The following TLN2 variants were observed in gnomAD, a reference collection of about 807,000 sequenced individuals.
TLN2 encodes the protein talin 2.
In TLN2, 118 loss-of-function variants were observed where a neutral mutation model predicts 294.7. The observed-to-expected ratio is 0.40, with a 90% CI of 0.34 to 0.47. TLN2 has a LOEUF of 0.47. Among genes scored for constraint, TLN2 ranks in the 20% least tolerant of loss-of-function variants. TLN2 has a pLI of 0.84. For synonymous variants in TLN2, 1,431 were observed against 1,304.5 expected, an observed-to-expected ratio of 1.10 and a Z score of -2.09; for missense variants, 3,083 against 3,282.2, an observed-to-expected ratio of 0.94 and a Z score of 1.48.
At chr15:62,390,946 C>T (rs1484203370) in intron 1 of TLN2, among the ~76,000 whole-genome samples, 1 of 152,250 alleles carries the variant, frequency 6.6e-6, no homozygotes, top group Non-Finnish European at 1.5e-5. Context: ...TTTCACTGCA[C>T]CGGACCCGGG....
At chr15:62,677,682 T>C (rs547368958) in intron 11 of TLN2, among the ~76,000 whole-genome samples, 45 of 152,112 alleles carry the variant, frequency 3.0e-4, no homozygotes, top group Admixed American at 5.2e-4. Flanking sequence ...TTTTCCTTTC[T>C]TCCTTCCTCC....
At chr15:62,572,615 T>C (rs1406143463) in intron 1 of TLN2, among the ~76,000 whole-genome samples, 1 of 152,176 alleles carries the variant, frequency 6.6e-6, no homozygotes, top group Non-Finnish European at 1.5e-5. Flanking sequence ...CCAGCCTGAG[T>C]TCTGGATGTA....
At chr15:62,528,921 T>A (rs1016130638) in intron 1 of TLN2, among the ~76,000 whole-genome samples, 6 of 152,210 alleles carry the variant, frequency 3.9e-5, no homozygotes, top group African/African-American at 1.4e-4. Context: ...GGTTTTGTTG[T>A]CTTGTTCTCT....
intron 1 of TLN2, among the ~76,000 whole-genome samples, chr15:62,463,650 C>G (rs1439904127): frequency 6.6e-6 from 1 of 152,178 alleles, no homozygotes; most frequent in African/African-American, 2.4e-5. Flanking sequence ...CTTTGCGACG[C>G]TGAGATGGAT....
At chr15:62,481,709 G>A (rs1356560412) in intron 1 of TLN2, among the ~76,000 whole-genome samples, 1 of 151,062 alleles carries the variant, frequency 6.6e-6, no homozygotes, top group Non-Finnish European at 1.5e-5. Context: ...TTTATATAAT[G>A]CATTTAAAAA....
chr15:62,557,599 G>A (rs1239724762), intron 1 of TLN2, among the ~76,000 whole-genome samples: 2 of 152,154 alleles, frequency 1.3e-5, no homozygotes, highest in Admixed American at 6.5e-5. Context: ...GCGTGATCTC[G>A]GCTCACTGCA....
At chr15:62,461,836 G>T (rs1278784645) in intron 1 of TLN2, among the ~76,000 whole-genome samples, 3 of 152,226 alleles carry the variant, frequency 2.0e-5, no homozygotes, top group Non-Finnish European at 4.4e-5. Flanking sequence ...CCTGGTGAGC[G>T]CAGAGTGACC....
chr15:62,532,755 T>G (rs1448883776), intron 1 of TLN2, among the ~76,000 whole-genome samples: 1 of 152,166 alleles, frequency 6.6e-6, no homozygotes, highest in Non-Finnish European at 1.5e-5. Context: ...TTAGCCACAA[T>G]CATTTACCTG....
chr15:62,711,650 T>G (rs1337728451), intron 21 of TLN2, among the ~76,000 whole-genome samples: 7 of 152,268 alleles, frequency 4.6e-5, no homozygotes, highest in Non-Finnish European at 1.0e-4. Context: ...AGTGTTCCTC[T>G]TTGGCTGCTT....
At chr15:62,617,882 A>G (rs2048439002) in intron 2 of TLN2, among the ~76,000 whole-genome samples, 1 of 152,204 alleles carries the variant, frequency 6.6e-6, no homozygotes, top group South Asian at 2.1e-4. Context: ...GTAGTCTTCC[A>G]GTTAAAAAGT....
chr15:62,720,388 G>A (rs927711133), intron 25 of TLN2, among the ~76,000 whole-genome samples: 3 of 152,142 alleles, frequency 2.0e-5, no homozygotes, highest in Non-Finnish European at 4.4e-5. Context: ...TTAAGTTGTG[G>A]AAAAATTCCC....
chr15:62,709,784 G>C (rs1281354153), intron 21 of TLN2, among the ~76,000 whole-genome samples: 3 of 150,762 alleles, frequency 2.0e-5, no homozygotes, highest in Non-Finnish European at 4.4e-5. Context: ...GCCCAGGCTG[G>C]GGTGCAGTGG....
chr15:62,634,528 C>A (rs78992306), intron 3 of TLN2, among the ~76,000 whole-genome samples: 3,155 of 152,308 alleles, frequency 0.021, 119 homozygotes, highest in African/African-American at 0.073. Flanking sequence ...TTCATGTCAT[C>A]TCTCATGGGG....
intron 53 of TLN2, 54 bp downstream of exon 53, chr15:62,819,675 T>C: frequency 6.7e-7 from 1 of 1,496,326 alleles, no homozygotes; most frequent in Non-Finnish European, 9.2e-7. Flanking sequence ...GCAGTGCTAA[T>C]ACAGCAGACT....
At chr15:62,446,050 G>A (rs746963030) in intron 1 of TLN2, among the ~76,000 whole-genome samples, 1 of 150,622 alleles carries the variant, frequency 6.6e-6, no homozygotes, top group African/African-American at 2.4e-5. Flanking sequence ...ACTGTCGCCC[G>A]GGCTGGAGTG....
intron 11 of TLN2, among the ~76,000 whole-genome samples, chr15:62,682,483 G>A (rs1206064275): frequency 3.3e-5 from 5 of 152,140 alleles, no homozygotes; most frequent in Non-Finnish European, 7.3e-5. Flanking sequence ...AATGTGCTTT[G>A]GAAAAGAAAG....
intron 2 of TLN2, among the ~76,000 whole-genome samples, chr15:62,594,528 G>A (rs2046327206): frequency 6.6e-6 from 1 of 152,060 alleles, no homozygotes; most frequent in Non-Finnish European, 1.5e-5. Context: ...ATTGATTTTT[G>A]ACAAAGGTAC....
intron 9 of TLN2, among the ~76,000 whole-genome samples, chr15:62,661,999 T>C (rs146734311): frequency 6.6e-6 from 1 of 152,236 alleles, no homozygotes; most frequent in African/African-American, 2.4e-5. Flanking sequence ...ATTTCAGATA[T>C]GCAGTTTTAG....
intron 1 of TLN2, among the ~76,000 whole-genome samples, chr15:62,484,518 C>T (rs979072164): frequency 1.3e-4 from 20 of 152,110 alleles, no homozygotes; most frequent in South Asian, 2.1e-4. Context: ...CTCCACCTCC[C>T]GGGTTCAAGC....
Sources: allele counts gnomAD v4.1 joint callset (sites outside exome capture counted in the v4.1 genomes callset), GRCh38; gene constraint gnomAD v4.1.1; transcripts MANE v1.5; gene names NCBI Gene and HGNC (gene_info 2026-07-23, HGNC 2026-07-21).